Variants in AMOT observed in about 807,000 individuals in gnomAD.
AMOT encodes angiomotin.
A neutral mutation model predicts 67.0 loss-of-function variants in AMOT; 11 were observed. The ratio of observed to expected loss-of-function variants is 0.16; its 90% CI spans 0.10 to 0.27. AMOT has a LOEUF of 0.27. AMOT is among the 10% of genes least tolerant of loss of function. The pLI, the probability that AMOT is intolerant of heterozygous loss-of-function variation, is 1.00. For synonymous variants in AMOT, 326 were observed against 321.4 expected (o/e 1.01, Z -0.15); for missense variants, 753 against 852.0 (o/e 0.88, Z 1.45).
At chrX:112,819,152 C>T (rs936061135) in intron 4 of AMOT, among the ~76,000 whole-genome samples, 1 of 111,620 alleles carries the variant, frequency 9.0e-6, no homozygotes, top group Non-Finnish European at 1.9e-5. Flanking sequence ...CAGCACCTTC[C>T]ACCCTGCCAC....
chrX:112,816,196 T>C, intron 4 of AMOT, among the ~76,000 whole-genome samples: 1 of 111,805 alleles, frequency 8.9e-6, no homozygotes, highest in East Asian at 2.8e-4. Flanking sequence ...TTTGCTCAAG[T>C]CTAAACATTT....
At position 112,805,066 on chromosome X, in the gene AMOT, TCTC is replaced by T. The variant is rs774599150; in HGVS notation, c.1654_1656del (p.Glu552del). ...GCAGTGGCCAGCTCCGCTTCCAGCTTCTCCTTCTCACGCTGGCTTTCTTTATCT... is the reference window on the plus strand; with the variant it reads ...GCAGTGGCCAGCTCCGCTTCCAGCTTCTTCTCACGCTGGCTTTCTTTATCT... On this transcript the variant is annotated inframe_deletion, in exon 8 of 14. Transcript: ENST00000371959. The T allele has an allele frequency of 3.3e-6, 4 of 1,211,538 alleles. No homozygotes were observed. Among genetic ancestry groups the T allele is most frequent in the South Asian group, 1.8e-5 (1 of 56,968 alleles).
chrX:112,814,239 T>C (rs1475634655), intron 5 of AMOT, among the ~76,000 whole-genome samples: 1 of 104,207 alleles, frequency 9.6e-6, no homozygotes, highest in African/African-American at 3.6e-5. Context: ...GCCATTGCAC[T>C]GCAGGCTAGG....
intron 10 of AMOT, among the ~76,000 whole-genome samples, chrX:112,785,433 G>A (rs1164678112): frequency 1.8e-5 from 2 of 111,806 alleles, no homozygotes; most frequent in East Asian, 2.8e-4. Flanking sequence ...TGAACTCTAC[G>A]TAAGTGGAGC....
At chrX:112,801,803 GAGA>G (rs1300315026) in intron 8 of AMOT, among the ~76,000 whole-genome samples, 9 of 112,785 alleles carry the variant, frequency 8.0e-5, no homozygotes, top group Non-Finnish European at 1.3e-4. Context: ...TTAATGCAAT[GAGA>G]AGTAGTTACC....
At chrX:112,808,822 C>A (rs1361249364) in intron 7 of AMOT, among the ~76,000 whole-genome samples, 1 of 111,936 alleles carries the variant, frequency 8.9e-6, no homozygotes, top group Admixed American at 9.5e-5. Flanking sequence ...AAAATTTATA[C>A]TAGGCACTGA....
At chrX:112,780,786 C>T in intron 12 of AMOT, 100 bp downstream of exon 12, 1 of 924,744 alleles carries the variant, frequency 1.1e-6, no homozygotes, top group Non-Finnish European at 1.5e-6. Context: ...ACCTTCCTCT[C>T]TAGAACCTGG....
intron 7 of AMOT, among the ~76,000 whole-genome samples, chrX:112,806,298 T>C (rs935616364): frequency 5.6e-5 from 6 of 106,199 alleles, no homozygotes; most frequent in African/African-American, 2.1e-4. Flanking sequence ...AGTAATCCAA[T>C]ATGCTTGTGT....
intron 8 of AMOT, among the ~76,000 whole-genome samples, chrX:112,793,675 T>C (rs1933695369): frequency 1.8e-5 from 2 of 112,514 alleles, no homozygotes; most frequent in African/African-American, 6.5e-5. Flanking sequence ...GTTGTACTTC[T>C]TTGACATTTC....
At chrX:112,814,458 C>G (rs1159436389) in intron 5 of AMOT, among the ~76,000 whole-genome samples, 1 of 109,100 alleles carries the variant, frequency 9.2e-6, no homozygotes, top group East Asian at 2.9e-4. Context: ...TCCTGTCCCT[C>G]CCCCACCTTC....
chrX:112,810,928 A>G (rs913185359), intron 6 of AMOT, among the ~76,000 whole-genome samples: 1 of 111,222 alleles, frequency 9.0e-6, no homozygotes, highest in Non-Finnish European at 1.9e-5. Flanking sequence ...CCTCTGTAAA[A>G]CCTGTTAAAA....
intron 3 of AMOT, 60 bp from the exon 4 acceptor site, chrX:112,823,248 G>T: frequency 1.4e-6 from 1 of 718,115 alleles, no homozygotes; most frequent in East Asian, 3.6e-5. Context: ...TCCTCTAAAG[G>T]GAAAGAAAAT....
chrX:112,784,884 C>G (rs1222438862), intron 10 of AMOT, among the ~76,000 whole-genome samples: 1 of 111,981 alleles, frequency 8.9e-6, no homozygotes, highest in Admixed American at 9.4e-5. Flanking sequence ...CCTGCTGCCA[C>G]TTTCATTGCA....
Position 112,822,413 on chromosome X carries a change from G to C in AMOT, c.714C>G (p.Pro238=). 1 of 1,167,772 alleles carries C rather than the reference G, an allele frequency of 8.6e-7. No homozygotes were observed. Among genetic ancestry groups the C allele is most frequent in the Non-Finnish European group, 1.1e-6 (1 of 873,050 alleles). The change falls in exon 4 of 14, where the codon CCC becomes CCG. Residue 238 remains proline, a synonymous_variant. Coordinates refer to ENST00000371959, the MANE Select transcript of AMOT (RefSeq NM_001113490.2). ...HSLKGMEHRG[P]PPEYPFKGMP... is the part of the protein sequence containing the mutation. ...TGCCCTTGAAGGGATATTCTGGTGGGGGGCCTCGGTGTTCCATGCCCTTCA... is the reference window on the plus strand; with the variant it reads ...TGCCCTTGAAGGGATATTCTGGTGGCGGGCCTCGGTGTTCCATGCCCTTCA...
chrX:112,778,425 T>TAC lies in AMOT; in HGVS notation c.*140_*141dup. ...TGTTCACATGGTATTACTCAAGTAG[T>TAC]ACATTGTTCCAATAAAAAGTCCTGT... On this transcript the variant is annotated 3_prime_UTR_variant, in exon 14 of 14. Coordinates refer to ENST00000371959, the MANE Select transcript of AMOT (RefSeq NM_001113490.2). 2.0e-6 allele frequency: 1 copy of TAC among 498,540 alleles called. No individual in the cohort carries two copies. Among genetic ancestry groups the TAC allele is most frequent in the Non-Finnish European group, 3.4e-6 (1 of 294,378 alleles). The allele number at this position is 498,540 out of a possible 1,213,427, so 41.1% of individuals were successfully genotyped here.
At chrX:112,797,133 C>T in intron 8 of AMOT, among the ~76,000 whole-genome samples, 1 of 111,417 alleles carries the variant, frequency 9.0e-6, no homozygotes, top group Non-Finnish European at 1.9e-5. Flanking sequence ...TTCATCTTTC[C>T]TCAAAATGTC....
chrX:112,808,109 T>C (rs1443511004), intron 7 of AMOT, among the ~76,000 whole-genome samples: 1 of 112,243 alleles, frequency 8.9e-6, no homozygotes, highest in Non-Finnish European at 1.9e-5. Flanking sequence ...CAGTCTCACC[T>C]TCTTTCCCAC....
intron 8 of AMOT, among the ~76,000 whole-genome samples, chrX:112,794,308 C>T (rs755475866): frequency 7.2e-5 from 8 of 111,649 alleles, no homozygotes; most frequent in Middle Eastern, 4.6e-3. Flanking sequence ...GGGAGTTCTC[C>T]GAGTTGGCTA....
intron 1 of AMOT, among the ~76,000 whole-genome samples, chrX:112,839,861 C>T (rs676579): frequency 0.34 from 36,959 of 109,851 alleles, 5,144 homozygotes; most frequent in East Asian, 0.59. Flanking sequence ...ATCTTTGGAT[C>T]TTCTAAAGCA....
Sources: allele counts gnomAD v4.1 joint callset (sites outside exome capture counted in the v4.1 genomes callset), GRCh38; gene constraint gnomAD v4.1.1; transcripts MANE v1.5; gene names NCBI Gene and HGNC (gene_info 2026-07-23, HGNC 2026-07-21).